The following BCAR3 variants were observed in gnomAD, a reference collection of about 807,000 sequenced individuals.
The protein encoded by BCAR3 is BCAR3 adaptor protein, NSP family member, also known as breast cancer anti-estrogen resistance protein 3.
In BCAR3, 37 loss-of-function variants were observed where a neutral mutation model predicts 80.1. The ratio of observed to expected loss-of-function variants is 0.46; its 90% confidence interval spans 0.36 to 0.61. The LOEUF is 0.61. BCAR3 is among the 20% of genes least tolerant of loss of function. The pLI, the probability that BCAR3 is intolerant of heterozygous loss-of-function variation, is 0.00. For synonymous variants in BCAR3, 389 were observed against 418.9 expected, an observed-to-expected ratio of 0.93 and a Z score of 0.87; for missense variants, 978 against 1,068.2, an observed-to-expected ratio of 0.92 and a Z score of 1.18.
intron 3 of BCAR3, among the ~76,000 whole-genome samples, chr1:93,627,864 A>G (rs947459690): frequency 6.6e-6 from 1 of 152,212 alleles, no homozygotes; most frequent in African/African-American, 2.4e-5. Context: ...CTTGCTTTAC[A>G]TAATTTTGAT....
intron 2 of BCAR3, among the ~76,000 whole-genome samples, chr1:93,836,735 G>A (rs1364857755): frequency 3.9e-5 from 6 of 152,146 alleles, no homozygotes; most frequent in African/African-American, 1.4e-4. Flanking sequence ...TGAAGTAACT[G>A]AAGAATCACA....
chr1:93,571,904 A>C, intron 8 of BCAR3, 63 bp from the exon 9 acceptor site: 2 of 1,539,932 alleles, frequency 1.3e-6, no homozygotes, highest in Non-Finnish European at 1.8e-6. Flanking sequence ...AACTAAACCA[A>C]ATCAGCCAAG....
intron 2 of BCAR3, among the ~76,000 whole-genome samples, chr1:93,772,575 C>G (rs1049808188): frequency 3.3e-5 from 5 of 152,014 alleles, no homozygotes; most frequent in African/African-American, 1.2e-4. Context: ...GCATCTTGAT[C>G]CAACTTTTTC....
chr1:93,842,694 C>T (rs979973093), intron 2 of BCAR3, among the ~76,000 whole-genome samples: 8 of 152,194 alleles, frequency 5.3e-5, no homozygotes, highest in African/African-American at 1.9e-4. Context: ...CCCATTGCCA[C>T]ATTCCTTATC....
At chr1:93,567,696 T>C (rs1205402088) in intron 10 of BCAR3, 44 bp downstream of exon 10, 7 of 1,560,456 alleles carry the variant, frequency 4.5e-6, no homozygotes, top group Non-Finnish European at 6.2e-6. Flanking sequence ...TGTACTCCAC[T>C]CCCCAGCGGG....
At chr1:93,815,111 T>C (rs1653971397) in intron 2 of BCAR3, among the ~76,000 whole-genome samples, 2 of 152,216 alleles carry the variant, frequency 1.3e-5, no homozygotes, top group South Asian at 4.1e-4. Flanking sequence ...GGAAACAAGC[T>C]GAGCAACAAT....
chr1:93,627,685 T>C (rs1675493012), intron 3 of BCAR3, among the ~76,000 whole-genome samples: 1 of 152,236 alleles, frequency 6.6e-6, no homozygotes, highest in Non-Finnish European at 1.5e-5. Flanking sequence ...GAAATGCTCA[T>C]CAAGTAAAAA....
At chr1:93,630,447 T>G (rs1428453120) in intron 3 of BCAR3, among the ~76,000 whole-genome samples, 1 of 149,848 alleles carries the variant, frequency 6.7e-6, no homozygotes, top group African/African-American at 2.5e-5. Flanking sequence ...AACATGATGG[T>G]GAAACCAGGT....
intron 8 of BCAR3, 27 bp downstream of exon 8, chr1:93,575,986 CG>C (rs1673439797): frequency 3.8e-6 from 6 of 1,589,966 alleles, no homozygotes; most frequent in Non-Finnish European, 5.2e-6. Flanking sequence ...CTGGGAGGGT[CG>C]GAAGTGCAGA....
intron 2 of BCAR3, among the ~76,000 whole-genome samples, chr1:93,838,002 G>T (rs943567440): frequency 6.6e-6 from 1 of 152,222 alleles, no homozygotes; most frequent in Non-Finnish European, 1.5e-5. Flanking sequence ...GTCTTTCCAT[G>T]TATCATTATT....
chr1:93,825,559 C>T (rs1654343729), intron 2 of BCAR3, among the ~76,000 whole-genome samples: 1 of 133,514 alleles, frequency 7.5e-6, no homozygotes, highest in Admixed American at 7.8e-5. Flanking sequence ...AGGTCATGCT[C>T]CCTGCCTTTC....
At chr1:93,571,141 T>C (rs1331614195) in intron 9 of BCAR3, among the ~76,000 whole-genome samples, 1 of 150,604 alleles carries the variant, frequency 6.6e-6, no homozygotes, top group East Asian at 1.9e-4. Flanking sequence ...GAGACAGAGG[T>C]TGCAATGAGC....
chr1:93,672,119 C>T (rs1648239776), intron 2 of BCAR3, among the ~76,000 whole-genome samples: 1 of 152,174 alleles, frequency 6.6e-6, no homozygotes. Flanking sequence ...ACCAGGAGTG[C>T]TTGTTAAGTC....
Position 93,584,976 on chromosome 1 carries a change from A to G in BCAR3, c.930-855T>C, listed in dbSNP as rs144237583. The G allele has an allele frequency of 9.0e-5, 88 of 983,050 alleles. No individual in the cohort carries two copies. The African/African-American group carries it at 1.4e-3, about 16-fold the overall frequency. 60.9% of individuals were successfully genotyped at this position (983,050 alleles called of 1,614,324 possible). A position where few individuals can be genotyped will look rare whatever the true frequency, so the allele number is the denominator to read the frequency against. On this transcript the variant is annotated intron_variant, in intron 5 of 11. Coordinates refer to ENST00000260502, the MANE Select transcript of BCAR3 (RefSeq NM_003567.4). ...AATCACGAAGTTCTTTCCTACCTTT[A>G]CAAGCACCAAAGAAAAAACAAATCA... is the stretch of plus-strand genomic sequence containing the variant.
chr1:93,802,040 C>T (rs138772901), intron 2 of BCAR3, among the ~76,000 whole-genome samples: 12 of 151,932 alleles, frequency 7.9e-5, no homozygotes, highest in Non-Finnish European at 1.6e-4. Context: ...ATCACCTGAA[C>T]CTGGCTTGAA....
Position 93,786,192 on chromosome 1 carries a change from C to CAA in BCAR3, c.-63+59373_-63+59374dup, listed in dbSNP as rs61644309. Among the ~76,000 whole-genome samples the CAA allele has an allele frequency of 4.7e-4, 11 of 23,240 alleles. 1 individual carries two copies. Among genetic ancestry groups the CAA allele is most frequent in the African/African-American group, 7.9e-4 (4 of 5,084 alleles). 15.2% of individuals were successfully genotyped at this position (23,240 alleles called of 152,430 possible). A position where few individuals can be genotyped will look rare whatever the true frequency, so the allele number is the denominator to read the frequency against. On this transcript the variant is annotated intron_variant, in intron 2 of 13. Coordinates refer to the BCAR3 transcript ENST00000370244. ...TGGGCGTCAGAGCGAGACTCCGTCTCAAAAAAAAAAAAAAAAAAAAAAAAA... is the reference window on the plus strand; with the variant it reads ...TGGGCGTCAGAGCGAGACTCCGTCTCAAAAAAAAAAAAAAAAAAAAAAAAAAA...
intron 3 of BCAR3, among the ~76,000 whole-genome samples, chr1:93,689,492 T>C (rs1336953350): frequency 1.3e-5 from 2 of 149,720 alleles, no homozygotes; most frequent in East Asian, 3.9e-4. Flanking sequence ...GATCGCACCA[T>C]TGCACTCTAG....
intron 2 of BCAR3, among the ~76,000 whole-genome samples, chr1:93,711,338 G>C (rs1332768458): frequency 6.6e-6 from 1 of 152,180 alleles, no homozygotes; most frequent in Non-Finnish European, 1.5e-5. Context: ...CCTCATTCAT[G>C]TCTGTCAGGT....
chr1:93,642,947 G>T (rs1191989178), intron 2 of BCAR3, among the ~76,000 whole-genome samples: 1 of 152,178 alleles, frequency 6.6e-6, no homozygotes, highest in African/African-American at 2.4e-5. Context: ...CCCCATATGG[G>T]CCAGGTGTGG....
Sources: gnomAD v4.1 joint callset for allele counts (sites outside exome capture counted in the v4.1 genomes callset) on GRCh38, gnomAD v4.1.1 for gene constraint, MANE v1.5 for transcripts, NCBI Gene and HGNC (gene_info 2026-07-23, HGNC 2026-07-21) for gene names.